The following MTUS2 variants were observed in gnomAD, a reference collection of about 807,000 sequenced individuals.
MTUS2 encodes microtubule-associated tumor suppressor candidate 2.
In MTUS2, 40 loss-of-function variants were observed where a neutral mutation model predicts 114.1. The observed-to-expected ratio is 0.35, with a 90% CI of 0.27 to 0.46. The LOEUF (loss-of-function observed/expected upper bound fraction) is 0.46, where lower values mean the gene tolerates loss of function less well. Ranked by LOEUF, MTUS2 falls within the 20% of genes least tolerant of loss-of-function variation. The pLI, the probability that MTUS2 is intolerant of heterozygous loss-of-function variation, is 1.00. For synonymous variants in MTUS2, 688 were observed against 672.0 expected (o/e 1.02, Z -0.37); for missense variants, 1,679 against 1,705.4 (o/e 0.98, Z 0.27).
intron 2 of MTUS2, among the ~76,000 whole-genome samples, chr13:28,932,038 C>T (rs327118): frequency 0.4 from 61,162 of 151,966 alleles, 15,133 homozygotes; most frequent in Non-Finnish European, 0.54. Flanking sequence ...TGCATACATT[C>T]CCATTTCATT....
At chr13:28,966,697 C>T (rs1453324576) in intron 2 of MTUS2, among the ~76,000 whole-genome samples, 1 of 134,148 alleles carries the variant, frequency 7.5e-6, no homozygotes, top group Admixed American at 8.6e-5. Context: ...TGTACTTGAG[C>T]CTGGGAGACA....
chr13:29,074,311 A>C (rs932515064), intron 4 of MTUS2, among the ~76,000 whole-genome samples: 3 of 151,786 alleles, frequency 2.0e-5, no homozygotes, highest in Non-Finnish European at 4.4e-5. Flanking sequence ...TCCTCCAGTA[A>C]CCTATTCCTT....
chr13:29,339,582 G>C (rs1400679895), intron 7 of MTUS2: 1 of 154,986 alleles, frequency 6.5e-6, no homozygotes. Flanking sequence ...GGCTGCGGAC[G>C]GGCTGGGGGG....
intron 2 of MTUS2, among the ~76,000 whole-genome samples, chr13:28,937,636 A>C (rs1881980683): frequency 6.6e-6 from 1 of 152,286 alleles, no homozygotes; most frequent in Middle Eastern, 3.4e-3. Flanking sequence ...TGGACTTCCT[A>C]GCTCTCTGTC....
intron 8 of MTUS2, among the ~76,000 whole-genome samples, chr13:29,365,510 T>TTGTGTGTCTGTGTGTG (rs1555269730): frequency 6.8e-6 from 1 of 146,822 alleles, no homozygotes; most frequent in Non-Finnish European, 1.5e-5. Flanking sequence ...TTGTTTGGGT[T>TTGTGTGTCTGTGTGTG]TGTGTGTGTG....
chr13:29,423,934 G>A (rs553902490), intron 8 of MTUS2, among the ~76,000 whole-genome samples: 8 of 151,212 alleles, frequency 5.3e-5, no homozygotes, highest in Non-Finnish European at 8.8e-5. Context: ...ACACGATCTC[G>A]GCTCACGGCA....
At position 29,125,373 on chromosome 13, in the gene MTUS2, G is replaced by A. The variant is rs1353427220; in HGVS notation, c.2644+24403G>A. Among the ~76,000 whole-genome samples, 7 of 152,112 alleles carry A rather than the reference G, an allele frequency of 4.6e-5. No homozygotes were observed. The South Asian group carries it at 6.2e-4, about 13-fold the overall frequency. ...TTTAAAATGAGTAGCTGCTTGAGTC[G>A]TTTGCAATTCAACCCAAGAAACACT... On this transcript the variant is annotated intron_variant, in intron 5 of 15. Transcript: ENST00000612955.
rs562586235 is a variant in MTUS2 at position 29,055,570 on chromosome 13, A to T, written c.2446+21445A>T. Among the ~76,000 whole-genome samples, 44 of 152,158 alleles carry T rather than the reference A, an allele frequency of 2.9e-4. 1 individual carries two copies. The highest frequency in any genetic ancestry group is 1.6e-3 in the Admixed American group (25 of 15,290). On this transcript the variant is annotated intron_variant, in intron 4 of 15. Transcript: ENST00000612955. ...AGCGTCTGTTCTCTTCTTTGTTTCA[A>T]TATGTACTCAATATCTAGCTTTCCC...
chr13:28,996,530 G>C lies in MTUS2; in HGVS notation c.-242-27927G>C, dbSNP rs1178274362. Among the ~76,000 whole-genome samples the C allele has an allele frequency of 2.0e-5, 3 of 152,082 alleles. No homozygotes were observed. In the East Asian group the frequency reaches 5.8e-4, roughly 29 times the overall value. On this transcript the variant is annotated intron_variant, in intron 2 of 15. Coordinates refer to ENST00000612955, the MANE Select transcript of MTUS2 (RefSeq NM_001033602.4). ...TCGGCTGTGAATCCATCTGGTCCTG[G>C]ACTTTTTTTGGTTGGTAAGCTATTA...
chr13:28,863,911 G>GTCTTGAGC (rs1264067431), intron 2 of MTUS2, among the ~76,000 whole-genome samples: 4 of 152,112 alleles, frequency 2.6e-5, no homozygotes, highest in Non-Finnish European at 5.9e-5. Flanking sequence ...ACCCAGGTTA[G>GTCTTGAGC]TCTTGAGCTC....
chr13:29,415,582 C>T (rs972320728), intron 8 of MTUS2, among the ~76,000 whole-genome samples: 2 of 151,932 alleles, frequency 1.3e-5, no homozygotes, highest in South Asian at 4.1e-4. Context: ...TATAATTTGC[C>T]TTCTTAATCA....
chr13:29,182,933 G>T (rs922137412), intron 5 of MTUS2, among the ~76,000 whole-genome samples: 1 of 152,166 alleles, frequency 6.6e-6, no homozygotes, highest in East Asian at 1.9e-4. Context: ...GGGAGCAGGG[G>T]GAGAGTAGCA....
intron 8 of MTUS2, among the ~76,000 whole-genome samples, chr13:29,401,404 T>C (rs1415868385): frequency 6.6e-6 from 1 of 152,234 alleles, no homozygotes; most frequent in Non-Finnish European, 1.5e-5. Flanking sequence ...GTTCCCTTTA[T>C]GTCTTATGGG....
chr13:29,008,756 AG>A (rs1885709665), intron 2 of MTUS2, among the ~76,000 whole-genome samples: 2 of 152,182 alleles, frequency 1.3e-5, no homozygotes, highest in Admixed American at 6.5e-5. Context: ...TTGAGGATTT[AG>A]GGCTTTCCAT....
chr13:28,890,046 T>A (rs1274165983), intron 2 of MTUS2, among the ~76,000 whole-genome samples: 1 of 152,190 alleles, frequency 6.6e-6, no homozygotes, highest in Admixed American at 6.5e-5. Flanking sequence ...CAACTTTTTA[T>A]TAGACTGTAA....
At chr13:29,188,173 T>C (rs1894301382) in intron 5 of MTUS2, among the ~76,000 whole-genome samples, 1 of 152,192 alleles carries the variant, frequency 6.6e-6, no homozygotes, top group African/African-American at 2.4e-5. Flanking sequence ...CTGAAGTTAA[T>C]GTTGCGGCAA....
At chr13:28,922,869 C>G (rs965507999) in intron 2 of MTUS2, among the ~76,000 whole-genome samples, 1 of 152,180 alleles carries the variant, frequency 6.6e-6, no homozygotes. Flanking sequence ...GTTGGGGGAA[C>G]AAATCGTGTA....
At chr13:29,253,709 G>A (rs564898997) in intron 5 of MTUS2, among the ~76,000 whole-genome samples, 1 of 152,246 alleles carries the variant, frequency 6.6e-6, no homozygotes, top group South Asian at 2.1e-4. Context: ...CCTAAGACTG[G>A]ATAATTTATA....
At chr13:28,879,792 T>G (rs1878176018) in intron 2 of MTUS2, among the ~76,000 whole-genome samples, 1 of 151,942 alleles carries the variant, frequency 6.6e-6, no homozygotes, top group Non-Finnish European at 1.5e-5. Context: ...TAGGGTTGAG[T>G]GTGCAACTGA....
Sources: gnomAD v4.1 joint callset for allele counts (sites outside exome capture counted in the v4.1 genomes callset) on GRCh38, gnomAD v4.1.1 for gene constraint, MANE v1.5 for transcripts, NCBI Gene and HGNC (gene_info 2026-07-23, HGNC 2026-07-21) for gene names.